The following ADGRL3 variants were observed in gnomAD, a reference collection of about 807,000 sequenced individuals.
ADGRL3 encodes calcium-independent alpha-latrotoxin receptor 3.
A neutral mutation model predicts 153.5 loss-of-function variants in ADGRL3; 62 were observed. The ratio of observed to expected loss-of-function variants is 0.40; its 90% CI spans 0.33 to 0.50. The LOEUF is 0.50. Among genes scored for constraint, ADGRL3 ranks in the 20% least tolerant of loss-of-function variants. The pLI is 0.47. For missense variants in ADGRL3, 1,641 were observed against 1,859.4 expected (o/e 0.88, Z 2.16); for synonymous variants, 710 against 672.5 (o/e 1.06, Z -0.86).
At chr4:61,582,306 A>C (rs1317987692) in intron 4 of ADGRL3, among the ~76,000 whole-genome samples, 2 of 151,980 alleles carry the variant, frequency 1.3e-5, no homozygotes, top group Admixed American at 6.6e-5. Context: ...TAAGCCGTGC[A>C]TGCTTTAGCT....
At chr4:61,936,795 C>CACACACACACAT (rs1553887526) in intron 15 of ADGRL3, among the ~76,000 whole-genome samples, 2 of 151,442 alleles carry the variant, frequency 1.3e-5, no homozygotes, top group African/African-American at 2.4e-5. Flanking sequence ...CACACACACA[C>CACACACACACAT]ACACACACAC....
rs191165195 is a variant in ADGRL3, at chr4:61,309,130, G to A, written c.-239-73994G>A. On this transcript the variant is annotated intron_variant, in intron 1 of 26. Transcript: ENST00000683033. ...TAAAGTTTTAAATGTTACTAATTTC[G>A]ACTTAATTTTCTAGAGGGCAGAAAA... 4.9e-4 allele frequency among the ~76,000 whole-genome samples: 74 copies of A among 152,196 alleles called. 1 individual carries two copies. In the East Asian group the frequency reaches 0.011, roughly 23 times the overall value.
At chr4:61,573,031 C>G (rs1579609785) in intron 4 of ADGRL3, among the ~76,000 whole-genome samples, 2 of 152,040 alleles carry the variant, frequency 1.3e-5, no homozygotes, top group South Asian at 4.1e-4. Flanking sequence ...TGAGCCAAAT[C>G]TTAGGACCTA....
chr4:61,716,873 C>T (rs1209882887), intron 6 of ADGRL3, among the ~76,000 whole-genome samples: 1 of 152,062 alleles, frequency 6.6e-6, no homozygotes, highest in Non-Finnish European at 1.5e-5. Context: ...TACTGTCTTT[C>T]CTTTTATTAT....
intron 1 of ADGRL3, among the ~76,000 whole-genome samples, chr4:61,339,603 GC>G (rs577009578): frequency 6.6e-5 from 10 of 152,140 alleles, no homozygotes; most frequent in Non-Finnish European, 1.5e-4. Flanking sequence ...TTTATACCAT[GC>G]AAGAGACTTC....
intron 15 of ADGRL3, among the ~76,000 whole-genome samples, chr4:61,938,220 C>A (rs565090173): frequency 2.0e-5 from 3 of 152,154 alleles, no homozygotes; most frequent in Admixed American, 6.6e-5. Context: ...CAATTATAAA[C>A]CAATTAAAAT....
chr4:61,566,621 A>T (rs1463028315), intron 4 of ADGRL3, among the ~76,000 whole-genome samples: 1 of 152,152 alleles, frequency 6.6e-6, no homozygotes. Flanking sequence ...TTTTGGCATA[A>T]ACTGAATACT....
intron 2 of ADGRL3, among the ~76,000 whole-genome samples, chr4:61,481,300 G>A (rs550341548): frequency 3.3e-5 from 5 of 152,276 alleles, no homozygotes; most frequent in African/African-American, 4.8e-5. Flanking sequence ...AGAAAGTCAG[G>A]ATGGTGTTCT....
chr4:61,528,439 T>C (rs1015929256), intron 4 of ADGRL3, among the ~76,000 whole-genome samples: 1 of 152,114 alleles, frequency 6.6e-6, no homozygotes, highest in Non-Finnish European at 1.5e-5. Flanking sequence ...CTTTCATCTT[T>C]ACACCCCAGA....
At chr4:61,782,809 T>C (rs1163688102) in intron 8 of ADGRL3, among the ~76,000 whole-genome samples, 2 of 152,188 alleles carry the variant, frequency 1.3e-5, no homozygotes, top group Non-Finnish European at 2.9e-5. Flanking sequence ...CTGGAATTAT[T>C]TGAGCTTTCT....
intron 1 of ADGRL3, among the ~76,000 whole-genome samples, chr4:61,281,127 A>G (rs2093705372): frequency 6.6e-6 from 1 of 152,102 alleles, no homozygotes. Context: ...TTAAAGGTTG[A>G]CAAATATTGC....
At chr4:61,257,476 T>C (rs2092077582) in intron 1 of ADGRL3, among the ~76,000 whole-genome samples, 1 of 152,172 alleles carries the variant, frequency 6.6e-6, no homozygotes, top group Non-Finnish European at 1.5e-5. Context: ...GTATATGTTG[T>C]GTGGGCCAGT....
intron 8 of ADGRL3, among the ~76,000 whole-genome samples, chr4:61,779,791 G>C (rs1315366445): frequency 6.6e-6 from 1 of 151,894 alleles, no homozygotes; most frequent in African/African-American, 2.4e-5. Context: ...CCTTTATAAA[G>C]ATGTTTATGT....
intron 1 of ADGRL3, among the ~76,000 whole-genome samples, chr4:61,348,512 T>G (rs2151276381): frequency 6.6e-6 from 1 of 152,122 alleles, no homozygotes; most frequent in Non-Finnish European, 1.5e-5. Flanking sequence ...AGTGCCAGAA[T>G]AAATGTATAA....
chr4:61,761,397 G>A (rs2096910511), intron 8 of ADGRL3, among the ~76,000 whole-genome samples: 1 of 152,196 alleles, frequency 6.6e-6, no homozygotes, highest in Admixed American at 6.5e-5. Context: ...GCAAGATGGA[G>A]CTCAGTTATA....
intron 2 of ADGRL3, among the ~76,000 whole-genome samples, chr4:61,486,394 T>G (rs1015061111): frequency 1.3e-4 from 20 of 152,186 alleles, no homozygotes; most frequent in African/African-American, 4.1e-4. Flanking sequence ...ATGCGATATA[T>G]TGTCACAATT....
intron 2 of ADGRL3, among the ~76,000 whole-genome samples, chr4:61,464,073 G>A (rs2097853414): frequency 1.3e-5 from 2 of 152,058 alleles, no homozygotes; most frequent in Non-Finnish European, 2.9e-5. Flanking sequence ...AATAAAAAAT[G>A]GTTTGGTTGT....
At chr4:61,565,171 G>T (rs2098811380) in intron 4 of ADGRL3, among the ~76,000 whole-genome samples, 1 of 152,128 alleles carries the variant, frequency 6.6e-6, no homozygotes. Flanking sequence ...CACAGTATCT[G>T]GGAAGTGCAA....
intron 8 of ADGRL3, among the ~76,000 whole-genome samples, chr4:61,789,201 G>A (rs188638451): frequency 2.0e-5 from 3 of 152,026 alleles, no homozygotes; most frequent in African/African-American, 4.8e-5. Context: ...TGAAAAGTAC[G>A]TATTTATTTA....
Sources: gnomAD v4.1 joint callset for allele counts (sites outside exome capture counted in the v4.1 genomes callset) on GRCh38, gnomAD v4.1.1 for gene constraint, MANE v1.5 for transcripts, NCBI Gene and HGNC (gene_info 2026-07-23, HGNC 2026-07-21) for gene names.